The following EFCAB14 variants were observed in gnomAD, a reference collection of about 807,000 sequenced individuals.
The protein encoded by EFCAB14 is EF-hand calcium-binding domain-containing protein 14.
In EFCAB14, 43 loss-of-function variants were observed where a neutral mutation model predicts 56.5. The ratio of observed to expected loss-of-function variants is 0.76; its 90% CI spans 0.60 to 0.98. The LOEUF (loss-of-function observed/expected upper bound fraction) is 0.98. Among genes scored for constraint, EFCAB14 ranks in the 50% least tolerant of loss-of-function variants. The pLI is 0.00. For missense variants in EFCAB14, 538 were observed against 580.3 expected (o/e 0.93, Z 0.75); for synonymous variants, 235 against 212.9 (o/e 1.10, Z -0.90).
At chr1:46,698,135 G>A (rs1214451220) in intron 3 of EFCAB14, among the ~76,000 whole-genome samples, 1 of 152,196 alleles carries the variant, frequency 6.6e-6, no homozygotes, top group African/African-American at 2.4e-5. Flanking sequence ...TTACAGGCAT[G>A]AGCCACCATG....
chr1:46,715,136 A>G (rs1040022652), intron 2 of EFCAB14, among the ~76,000 whole-genome samples: 1 of 152,302 alleles, frequency 6.6e-6, no homozygotes, highest in South Asian at 2.1e-4. Flanking sequence ...TCCTTGCTCT[A>G]AGCTTGAAAA....
rs372912057 is a variant in EFCAB14, at chr1:46,686,887, A to G, written c.988-17T>C. ...ATCACCCATCTTAAAGGGCAAAACAAAAACAAACAAACAAAGGGAAGATTA... is the reference window on the plus strand; with the variant it reads ...ATCACCCATCTTAAAGGGCAAAACAGAAACAAACAAACAAAGGGAAGATTA... On this transcript the variant is annotated splice_polypyrimidine_tract_variant and intron_variant, in intron 7 of 10. Transcript: ENST00000371933. 868 of 1,611,432 alleles carry G rather than the reference A, an allele frequency of 5.4e-4. No homozygotes were observed. The highest frequency in any genetic ancestry group is 5.7e-4 in the Non-Finnish European group (670 of 1,178,012).
intron 5 of EFCAB14, among the ~76,000 whole-genome samples, chr1:46,691,020 G>A (rs1395489149): frequency 6.6e-6 from 1 of 152,234 alleles, no homozygotes; most frequent in South Asian, 2.1e-4. Flanking sequence ...AAGATGGCAA[G>A]GGCTGCACCA....
rs375312017 is a variant in EFCAB14 at position 46,694,073 on chromosome 1, T to C, written c.580-2136A>G. Among the ~76,000 whole-genome samples, 4 of 152,296 alleles carry C rather than the reference T, an allele frequency of 2.6e-5. No homozygotes were observed. The South Asian group carries it at 8.3e-4, about 32-fold the overall frequency. On this transcript the variant is annotated intron_variant, in intron 4 of 10. Transcript: ENST00000371933. ...CCTTCCTTACACCTTATACAAAAATTAATTCAAGATGGATTAAATACTTAA... is the reference window on the plus strand; with the variant it reads ...CCTTCCTTACACCTTATACAAAAATCAATTCAAGATGGATTAAATACTTAA...
chr1:46,711,094 T>C (rs1430441045), intron 2 of EFCAB14, among the ~76,000 whole-genome samples: 1 of 152,244 alleles, frequency 6.6e-6, no homozygotes, highest in African/African-American at 2.4e-5. Flanking sequence ...AATGCTATAA[T>C]AAACATGGGG....
At chr1:46,694,608 G>C (rs1047650125) in intron 4 of EFCAB14, among the ~76,000 whole-genome samples, 1 of 152,180 alleles carries the variant, frequency 6.6e-6, no homozygotes, top group African/African-American at 2.4e-5. Flanking sequence ...GGAGAAATAG[G>C]AACACTTTTA....
chr1:46,702,681 T>C (rs1341944963), intron 3 of EFCAB14, among the ~76,000 whole-genome samples: 1 of 152,238 alleles, frequency 6.6e-6, no homozygotes, highest in Non-Finnish European at 1.5e-5. Context: ...AATACCATCA[T>C]CGTTATCATC....
Position 46,700,986 on chromosome 1 carries a change from A to AGTGAGTGAGTGAGTGTGTGT in EFCAB14, c.481-4338_481-4337insACACACACTCACTCACTCAC, listed in dbSNP as rs145670885. On this transcript the variant is annotated intron_variant, in intron 3 of 10. Coordinates refer to ENST00000371933, the MANE Select transcript of EFCAB14 (RefSeq NM_014774.3). ...GAGAGAGAGAGAGAGAGAGTGAGTG[A>AGTGAGTGAGTGAGTGTGTGT]GTGTGTGTGTGTGTGTGTGTGTGTG... Among the ~76,000 whole-genome samples, 349 of 142,934 alleles carry AGTGAGTGAGTGAGTGTGTGT rather than the reference A, an allele frequency of 2.4e-3. 3 individuals carry two copies. Among genetic ancestry groups the AGTGAGTGAGTGAGTGTGTGT allele is most frequent in the African/African-American group, 8.0e-3 (309 of 38,820 alleles). The allele number at this position is 142,934 out of a possible 152,430, so 93.8% of individuals were successfully genotyped here.
chr1:46,714,413 A>G (rs1677355198), intron 2 of EFCAB14, among the ~76,000 whole-genome samples: 1 of 151,796 alleles, frequency 6.6e-6, no homozygotes, highest in Non-Finnish European at 1.5e-5. Flanking sequence ...CCTAGAGCCA[A>G]AAGTTTCAGT....
intron 10 of EFCAB14, 52 bp downstream of exon 10, chr1:46,683,248 A>C: frequency 6.4e-7 from 1 of 1,571,252 alleles, no homozygotes; most frequent in Non-Finnish European, 8.6e-7. Flanking sequence ...TAAACATTAA[A>C]AAGTTATTAC....
chr1:46,717,014 C>T (rs1322870580), intron 1 of EFCAB14, among the ~76,000 whole-genome samples: 4 of 152,180 alleles, frequency 2.6e-5, no homozygotes, highest in Non-Finnish European at 4.4e-5. Flanking sequence ...CATCAACCAA[C>T]CTTCAAGGTC....
At position 46,718,108 on chromosome 1, in the gene EFCAB14, G is replaced by C. The variant is rs770842814; in HGVS notation, c.-21C>G. Reference sequence around the variant, plus strand: ...TTCATCTTTTTGTGTGGGGTGAGTGGAGCCCCGACTCCTGAGCTGCCAGGT... The same window carrying C: ...TTCATCTTTTTGTGTGGGGTGAGTGCAGCCCCGACTCCTGAGCTGCCAGGT... On this transcript the variant is annotated 5_prime_UTR_variant, in exon 1 of 11. Coordinates refer to ENST00000371933, the MANE Select transcript of EFCAB14 (RefSeq NM_014774.3). 1.2e-6 allele frequency: 2 copies of C among 1,610,190 alleles called. No individual in the cohort carries two copies. The highest frequency in any genetic ancestry group is 2.7e-5 in the African/African-American group (2 of 74,782).
At chr1:46,689,754 G>A (rs996728123) in intron 5 of EFCAB14, 63 bp from the exon 6 acceptor site, 7 of 1,411,736 alleles carry the variant, frequency 5.0e-6, no homozygotes, top group Non-Finnish European at 7.0e-6. Flanking sequence ...TTAACTATCT[G>A]AGATTGTCCT....
chr1:46,690,335 A>G (rs908277522), intron 5 of EFCAB14, among the ~76,000 whole-genome samples: 5 of 152,208 alleles, frequency 3.3e-5, no homozygotes, highest in African/African-American at 1.2e-4. Context: ...AACCCTTCAG[A>G]GCCCATAACT....
chr1:46,694,445 A>C (rs1677047554), intron 4 of EFCAB14, among the ~76,000 whole-genome samples: 3 of 152,256 alleles, frequency 2.0e-5, no homozygotes, highest in Admixed American at 2.0e-4. Flanking sequence ...TCTCAAAAGA[A>C]GACATTTATG....
At chr1:46,686,063 G>A (rs992387762) in intron 8 of EFCAB14, among the ~76,000 whole-genome samples, 2 of 152,200 alleles carry the variant, frequency 1.3e-5, no homozygotes, top group Non-Finnish European at 2.9e-5. Flanking sequence ...ATATGCATTT[G>A]AGATGGTAAT....
chr1:46,712,308 T>C (rs1677321233), intron 2 of EFCAB14, among the ~76,000 whole-genome samples: 1 of 152,196 alleles, frequency 6.6e-6, no homozygotes, highest in East Asian at 1.9e-4. Context: ...CAAATTTCTT[T>C]TCATTTACTC....
rs1340458366 is a variant in EFCAB14, at chr1:46,677,204, T to C, written c.*1257A>G. Reference sequence around the variant, plus strand: ...TTAAAGGAAGTATTGTACTTGATTGTATTAGATTTGAAAAACTTGCTACCA... The same window carrying C: ...TTAAAGGAAGTATTGTACTTGATTGCATTAGATTTGAAAAACTTGCTACCA... On this transcript the variant is annotated 3_prime_UTR_variant, in exon 11 of 11. Coordinates refer to ENST00000371933, the MANE Select transcript of EFCAB14 (RefSeq NM_014774.3). The C allele has an allele frequency of 3.3e-5, 5 of 152,666 alleles. No homozygotes were observed. Among genetic ancestry groups the C allele is most frequent in the African/African-American group, 4.8e-5 (2 of 41,556 alleles). 9.5% of individuals were successfully genotyped at this position (152,666 alleles called of 1,614,324 possible).
At chr1:46,684,692 A>C (rs907052051) in intron 8 of EFCAB14, 90 bp from the exon 9 acceptor site, 2 of 1,060,366 alleles carry the variant, frequency 1.9e-6, no homozygotes, top group Non-Finnish European at 2.9e-6. Context: ...TTTAGCATGT[A>C]GTGTTTGACC....
Sources: gnomAD v4.1 joint callset for allele counts (sites outside exome capture counted in the v4.1 genomes callset) on GRCh38, gnomAD v4.1.1 for gene constraint, MANE v1.5 for transcripts, NCBI Gene and HGNC (gene_info 2026-07-23, HGNC 2026-07-21) for gene names.